Variants in KCNQ1OT1 observed in about 807,000 individuals in gnomAD.
KCNQ1OT1 encodes KCNQ1 opposite strand/antisense transcript 1, also known as KCNQ1 antisense RNA 2 (non-protein coding).
chr11:2,688,487 G>A (rs1328475896), exon 1 of KCNQ1OT1: 2 of 398,592 alleles, frequency 5.0e-6, no homozygotes, highest in Non-Finnish European at 8.8e-6. Flanking sequence ...TCTGCCTCTG[G>A]TTGCCCTGCT....
At chr11:2,681,706 G>A (rs1018547648) in exon 1 of KCNQ1OT1, 2 of 393,334 alleles carry the variant, frequency 5.1e-6, no homozygotes, top group East Asian at 3.6e-5. Context: ...CTTCCCATGT[G>A]TCTGTTCCTC....
exon 1 of KCNQ1OT1, chr11:2,699,729 G>A: frequency 6.1e-6 from 2 of 328,776 alleles, no homozygotes; most frequent in East Asian, 1.0e-4. Flanking sequence ...TCCCCGGGGA[G>A]AACTGCGCCG....
chr11:2,619,018 G>T (rs937280842), exon 1 of KCNQ1OT1: 2 of 398,100 alleles, frequency 5.0e-6, no homozygotes, highest in Non-Finnish European at 4.4e-6. Flanking sequence ...GTTTTATATT[G>T]ATTTTATATC....
Position 2,665,878 on chromosome 11 carries a change from C to T in KCNQ1OT1, n.34117G>A, listed in dbSNP as rs1590017952. 2.0e-5 allele frequency: 8 copies of T among 398,720 alleles called. No individual in the cohort carries two copies. In the East Asian group the frequency reaches 2.1e-4, roughly 11 times the overall value. The allele number at this position is 398,720 out of a possible 1,614,324, so 24.7% of individuals were successfully genotyped here. On this transcript the variant is annotated non_coding_transcript_exon_variant, in exon 1 of 1. Transcript: ENST00000597346. Reference sequence around the variant, plus strand: ...GGATCTGCGGCTCTGAACTTGGGGGCTGTGTGCAGGTGTGGCCTGGGTGAG... The same window carrying T: ...GGATCTGCGGCTCTGAACTTGGGGGTTGTGTGCAGGTGTGGCCTGGGTGAG...
At chr11:2,650,486 G>A (rs1040516326) in exon 1 of KCNQ1OT1, 8 of 398,546 alleles carry the variant, frequency 2.0e-5, no homozygotes, top group African/African-American at 1.6e-4. Flanking sequence ...CAGTGCAGAA[G>A]TGTGGTGTCT....
At position 2,612,400 on chromosome 11, in the gene KCNQ1OT1, A is replaced by G; in HGVS notation, n.87595T>C. The G allele has an allele frequency of 2.5e-6, 1 of 398,560 alleles. No individual in the cohort carries two copies. The highest frequency in any genetic ancestry group is 4.4e-6 in the Non-Finnish European group (1 of 226,046). The allele number at this position is 398,560 out of a possible 1,614,324, so 24.7% of individuals were successfully genotyped here. ...CAAAAAGGTTGGGGACCACTATATT[A>G]TGGTATCCAATGGGTATCTCTTCAT... On this transcript the variant is annotated non_coding_transcript_exon_variant, in exon 1 of 1. Transcript: ENST00000597346. The surrounding 1 kb of genome is among the most constrained non-coding windows in gnomAD (Gnocchi z 5.5).
At chr11:2,696,969 A>G (rs1564861545) in exon 1 of KCNQ1OT1, 1 of 393,792 alleles carries the variant, frequency 2.5e-6, no homozygotes, top group Non-Finnish European at 4.5e-6. Context: ...AAGTTCCTTA[A>G]TTTTTTTTTT....
rs776978576 is a variant in KCNQ1OT1 at position 2,631,425 on chromosome 11, T to TG, written n.68569dup. ...CTATATTCTTCACCTCCAAAATGTTTGTTTTTTTTTTAGGATTTCTATTTC... is the reference window on the plus strand; with the variant it reads ...CTATATTCTTCACCTCCAAAATGTTTGGTTTTTTTTTTAGGATTTCTATTTC... On this transcript the variant is annotated non_coding_transcript_exon_variant, in exon 1 of 1. Transcript: ENST00000597346. The TG allele has an allele frequency of 4.2e-4, 168 of 398,158 alleles. No homozygotes were observed. Among genetic ancestry groups the TG allele is most frequent in the Admixed American group, 7.5e-4 (17 of 22,694 alleles). The allele number at this position is 398,158 out of a possible 1,614,324, so 24.7% of individuals were successfully genotyped here.
chr11:2,661,906 G>A lies in KCNQ1OT1; in HGVS notation n.38089C>T. On this transcript the variant is annotated non_coding_transcript_exon_variant, in exon 1 of 1. Transcript: ENST00000597346. This position sits in a 1 kb window ranked among gnomAD's most constrained non-coding sequence, Gnocchi z 5.9. ...GGGAGCTCACAGGCCTGGCTCCACA[G>A]CACTGGCAGGTTGGGTGGGAGGCCT... 2 of 1,612,806 alleles carry A rather than the reference G, an allele frequency of 1.2e-6. No individual in the cohort carries two copies. Among genetic ancestry groups the A allele is most frequent in the East Asian group, 2.2e-5 (1 of 44,880 alleles).
chr11:2,699,984 G>A (rs1048026610), exon 1 of KCNQ1OT1: 15 of 398,182 alleles, frequency 3.8e-5, no homozygotes, highest in Admixed American at 3.1e-4. Context: ...AGGCGACGCG[G>A]CGACCGTTCT....
exon 1 of KCNQ1OT1, chr11:2,656,571 G>C: frequency 2.5e-6 from 1 of 398,578 alleles, no homozygotes; most frequent in Non-Finnish European, 4.4e-6. Context: ...TCAGCCTTTT[G>C]GATTCCTCTT....
chr11:2,628,176 A>G (rs967554333), exon 1 of KCNQ1OT1: 2 of 398,538 alleles, frequency 5.0e-6, no homozygotes, highest in East Asian at 3.6e-5. Context: ...TGGATCATAT[A>G]GCAGTTCCAA....
exon 1 of KCNQ1OT1, chr11:2,639,286 T>G (rs1589997705): frequency 6.6e-6 from 1 of 152,158 alleles, no homozygotes; most frequent in African/African-American, 2.4e-5. Context: ...TGGGGAGAGG[T>G]GCTCTGAGTT....
At chr11:2,637,490 G>A (rs914075472) in exon 1 of KCNQ1OT1, 4 of 152,178 alleles carry the variant, frequency 2.6e-5, no homozygotes, top group East Asian at 1.9e-4. Flanking sequence ...GTCGTTGAGC[G>A]GTTTTGAGTG....
exon 1 of KCNQ1OT1, chr11:2,630,384 T>C (rs10766242): frequency 0.89 from 354,159 of 398,088 alleles, 157,700 homozygotes; most frequent in East Asian, 0.91. Context: ...TTTCTTATAT[T>C]GTCCTTGTCT....
exon 1 of KCNQ1OT1, chr11:2,696,263 G>A (rs1850674326): frequency 2.5e-6 from 1 of 398,484 alleles, no homozygotes; most frequent in South Asian, 1.3e-4. Context: ...CAAATATTTA[G>A]TCCATTTGGA....
At chr11:2,684,505 C>T in exon 1 of KCNQ1OT1, 1 of 398,652 alleles carries the variant, frequency 2.5e-6, no homozygotes, top group East Asian at 3.6e-5. Flanking sequence ...TCTATTCCTC[C>T]TATTCCACTG....
chr11:2,629,269 C>T (rs1849312647), exon 1 of KCNQ1OT1: 2 of 398,112 alleles, frequency 5.0e-6, no homozygotes, highest in African/African-American at 4.1e-5. Context: ...AGAATTTGTT[C>T]AATGTTTCAT....
chr11:2,646,552 G>T, exon 1 of KCNQ1OT1: 1 of 398,602 alleles, frequency 2.5e-6, no homozygotes, highest in Non-Finnish European at 4.4e-6. Flanking sequence ...TGCAGACAGG[G>T]TCTCACTCTG....
Sources: allele counts gnomAD v4.1 joint callset, GRCh38; gene constraint gnomAD v4.1.1; non-coding constraint Gnocchi (gnomAD v3.1); transcripts MANE v1.5; gene names NCBI Gene and HGNC (gene_info 2026-07-23, HGNC 2026-07-21).